The following DLGAP2 variants were observed in gnomAD, a reference collection of about 807,000 sequenced individuals.
DLGAP2 encodes the protein DLG associated protein 2.
A neutral mutation model predicts 100.3 loss-of-function variants in DLGAP2; 26 were observed. The ratio of observed to expected loss-of-function variants is 0.26; its 90% confidence interval spans 0.19 to 0.36. The LOEUF (loss-of-function observed/expected upper bound fraction) is 0.36, where lower values mean the gene tolerates loss of function less well. DLGAP2 is among the 10% of genes least tolerant of loss of function. The pLI is 1.00. For missense variants in DLGAP2, 1,858 were observed against 1,453.2 expected (o/e 1.28, Z -4.53); for synonymous variants, 886 against 630.1 (o/e 1.41, Z -6.08).
chr8:1,383,562 C>T (rs1172514067), intron 3 of DLGAP2, among the ~76,000 whole-genome samples: 1 of 152,150 alleles, frequency 6.6e-6, no homozygotes. Context: ...GGAGCTTTAG[C>T]CTTCCTGCCT....
chr8:1,475,445 C>T (rs982910826), intron 3 of DLGAP2, among the ~76,000 whole-genome samples: 2 of 152,172 alleles, frequency 1.3e-5, no homozygotes, highest in African/African-American at 2.4e-5. Flanking sequence ...AAACAGAGCC[C>T]ATAATGGTGA....
At chr8:1,041,862 G>C (rs544884592) in intron 2 of DLGAP2, among the ~76,000 whole-genome samples, 1 of 151,320 alleles carries the variant, frequency 6.6e-6, no homozygotes, top group African/African-American at 2.4e-5. Flanking sequence ...GCCCTTTGCC[G>C]TGGGTCAGCT....
chr8:1,253,229 G>C (rs146753469), intron 2 of DLGAP2, among the ~76,000 whole-genome samples: 2 of 152,220 alleles, frequency 1.3e-5, no homozygotes, highest in East Asian at 3.9e-4. Context: ...CCAAGGCCCC[G>C]GGCTGTGTCC....
At chr8:1,601,766 C>G (rs139421930) in intron 6 of DLGAP2, among the ~76,000 whole-genome samples, 32 of 152,262 alleles carry the variant, frequency 2.1e-4, no homozygotes, top group African/African-American at 6.5e-4. Flanking sequence ...AGAGCTCTCT[C>G]GTAGCTTAGG....
At chr8:1,468,075 A>T (rs1186109940) in intron 3 of DLGAP2, among the ~76,000 whole-genome samples, 2 of 152,374 alleles carry the variant, frequency 1.3e-5, no homozygotes, top group African/African-American at 2.4e-5. Context: ...GTACAGAGAC[A>T]CTTTCAGAAA....
chr8:1,068,743 C>CAGAGGGAGGGAAGGGCTGCACAGCAGGGG (rs1803334493), intron 2 of DLGAP2, among the ~76,000 whole-genome samples: 1 of 152,068 alleles, frequency 6.6e-6, no homozygotes, highest in African/African-American at 2.4e-5. Context: ...GCATGTGGGT[C>CAGAGGGAGGGAAGGGCTGCACAGCAGGGG]CGGGATATGC....
chr8:1,481,327 G>A (rs1481906707), intron 3 of DLGAP2, among the ~76,000 whole-genome samples: 1 of 152,096 alleles, frequency 6.6e-6, no homozygotes, highest in Non-Finnish European at 1.5e-5. Context: ...TGATGAGCGT[G>A]ACCGTTCAGA....
intron 2 of DLGAP2, among the ~76,000 whole-genome samples, chr8:1,054,160 G>A (rs985573618): frequency 6.6e-6 from 1 of 152,058 alleles, no homozygotes; most frequent in Non-Finnish European, 1.5e-5. Context: ...CCTGGTTTGA[G>A]TACAGGCATG....
intron 2 of DLGAP2, among the ~76,000 whole-genome samples, chr8:1,144,744 C>G (rs1020313132): frequency 3.3e-4 from 50 of 152,010 alleles, no homozygotes. Context: ...ATCCAGGAAA[C>G]ACACAGCGCA....
intron 3 of DLGAP2, among the ~76,000 whole-genome samples, chr8:1,446,397 G>A (rs1379234650): frequency 6.6e-6 from 1 of 152,146 alleles, no homozygotes; most frequent in Non-Finnish European, 1.5e-5. Flanking sequence ...AGATCAGATG[G>A]TTGTAGATAT....
intron 10 of DLGAP2, among the ~76,000 whole-genome samples, chr8:1,675,002 T>C (rs118175745): frequency 1.3e-4 from 20 of 152,338 alleles, no homozygotes; most frequent in Non-Finnish European, 2.1e-4. Context: ...GAAACGGGAA[T>C]GGTAAATTCT....
intron 1 of DLGAP2, among the ~76,000 whole-genome samples, chr8:763,140 A>T (rs1821128605): frequency 6.6e-6 from 1 of 151,430 alleles, no homozygotes; most frequent in South Asian, 2.1e-4. Flanking sequence ...GAGTGCAGGG[A>T]CGAAGCTGAG....
chr8:899,116 C>T (rs928748130), intron 1 of DLGAP2, among the ~76,000 whole-genome samples: 1 of 152,354 alleles, frequency 6.6e-6, no homozygotes, highest in South Asian at 2.1e-4. Flanking sequence ...TCCAGCGGAA[C>T]AGCAGCCTGA....
At chr8:1,315,407 C>T (rs377035510) in intron 3 of DLGAP2, among the ~76,000 whole-genome samples, 12 of 139,734 alleles carry the variant, frequency 8.6e-5, no homozygotes, top group East Asian at 8.5e-4. Flanking sequence ...TCGAGAAACT[C>T]GGCAGCTTTT....
At chr8:947,256 C>T (rs1021264953) in intron 2 of DLGAP2, among the ~76,000 whole-genome samples, 5 of 152,154 alleles carry the variant, frequency 3.3e-5, no homozygotes, top group African/African-American at 1.2e-4. Flanking sequence ...AGGAATCTCC[C>T]GGGGTCCACT....
intron 1 of DLGAP2, among the ~76,000 whole-genome samples, chr8:764,536 A>T (rs1480471421): frequency 6.6e-6 from 1 of 152,150 alleles, no homozygotes; most frequent in Non-Finnish European, 1.5e-5. Flanking sequence ...GAGCCCACAG[A>T]CTCTGTGGCT....
chr8:1,099,099 A>G (rs113883918), intron 2 of DLGAP2, among the ~76,000 whole-genome samples: 5 of 152,178 alleles, frequency 3.3e-5, no homozygotes, highest in African/African-American at 1.2e-4. Context: ...GGCAAAAACT[A>G]TTTACTAAAA....
chr8:844,687 A>T (rs1464207111), intron 1 of DLGAP2, among the ~76,000 whole-genome samples: 1 of 152,228 alleles, frequency 6.6e-6, no homozygotes, highest in Non-Finnish European at 1.5e-5. Flanking sequence ...CATATACATG[A>T]AACTGTACAG....
At chr8:1,246,746 A>C (rs998566174) in intron 2 of DLGAP2, 1 of 152,366 alleles carries the variant, frequency 6.6e-6, no homozygotes, top group Admixed American at 6.5e-5. Flanking sequence ...CGCAAGGGAC[A>C]TGCCCTGACA....
Sources: gnomAD v4.1 joint callset for allele counts (sites outside exome capture counted in the v4.1 genomes callset) on GRCh38, gnomAD v4.1.1 for gene constraint, MANE v1.5 for transcripts, NCBI Gene and HGNC (gene_info 2026-07-23, HGNC 2026-07-21) for gene names.